Variants in PCLAF observed in about 807,000 individuals in gnomAD.
PCLAF encodes the protein PCNA-associated factor.
PCLAF carries 12 observed loss-of-function variants against 15.1 expected under a neutral mutation model. That is an observed-to-expected ratio of 0.79 (90% CI 0.51 to 1.29). The LOEUF is 1.29. Ranked by LOEUF, PCLAF falls within the 50% of genes most tolerant of loss-of-function variation. PCLAF has a pLI of 0.00. For missense variants in PCLAF, 116 were observed against 130.9 expected (o/e 0.89, Z 0.56); for synonymous variants, 33 against 47.1 (o/e 0.70, Z 1.22).
chr15:64,373,036 A>C (rs1240037153), intron 3 of PCLAF: 4 of 152,236 alleles, frequency 2.6e-5, no homozygotes, highest in Non-Finnish European at 1.5e-5. Context: ...GTAAATCTAG[A>C]GCATATCAGC....
intron 1 of PCLAF, among the ~76,000 whole-genome samples, chr15:64,387,001 T>C (rs1274649815): frequency 6.6e-6 from 1 of 152,108 alleles, no homozygotes; most frequent in Non-Finnish European, 1.5e-5. Context: ...TCATTTTTGG[T>C]TGAGAACTCA....
rs191332938 is a variant in PCLAF, at chr15:64,364,432, T to G, written c.*1598A>C. On this transcript the variant is annotated 3_prime_UTR_variant, in exon 4 of 4. Coordinates refer to ENST00000300035, the MANE Select transcript of PCLAF (RefSeq NM_014736.6). ...TGATGAGGAATATTATACCCACTTCTTCAATTATACCTCTGGTTATGTTGA... is the reference window on the plus strand; with the variant it reads ...TGATGAGGAATATTATACCCACTTCGTCAATTATACCTCTGGTTATGTTGA... 6.6e-6 allele frequency: 1 copy of G among 152,348 alleles called. No individual in the cohort carries two copies. The highest frequency in any genetic ancestry group is 6.5e-5 in the Admixed American group (1 of 15,292). 9.4% of individuals were successfully genotyped at this position (152,348 alleles called of 1,614,324 possible).
At chr15:64,366,349 ATC>A (rs1489760790) in intron 3 of PCLAF, among the ~76,000 whole-genome samples, 1 of 152,220 alleles carries the variant, frequency 6.6e-6, no homozygotes, top group Non-Finnish European at 1.5e-5. Context: ...TAAAAAAAGA[ATC>A]TATTTATATA....
chr15:64,374,615 C>T (rs1899521249), intron 3 of PCLAF, among the ~76,000 whole-genome samples: 1 of 151,964 alleles, frequency 6.6e-6, no homozygotes. Context: ...GAGGCCAAGG[C>T]AAGTGGATTA....
At chr15:64,367,514 A>C (rs551049090) in intron 3 of PCLAF, among the ~76,000 whole-genome samples, 18 of 17,028 alleles carry the variant, frequency 1.1e-3, no homozygotes, top group South Asian at 8.2e-3. Context: ...AAAAAAACCC[A>C]AAAAAAAAAA....
intron 3 of PCLAF, among the ~76,000 whole-genome samples, chr15:64,370,900 A>C (rs1438902767): frequency 6.8e-6 from 1 of 147,574 alleles, no homozygotes; most frequent in Non-Finnish European, 1.5e-5. Context: ...AATTTAATGC[A>C]GACAAATTTC....
chr15:64,385,469 T>C (rs1389245696), upstream of PCLAF, among the ~76,000 whole-genome samples: 1 of 151,482 alleles, frequency 6.6e-6, no homozygotes, highest in African/African-American at 2.4e-5. Flanking sequence ...CTACTACAAA[T>C]ACAAAATTAG....
intron 3 of PCLAF, among the ~76,000 whole-genome samples, chr15:64,374,514 G>A (rs998729159): frequency 6.6e-6 from 1 of 151,362 alleles, no homozygotes; most frequent in Non-Finnish European, 1.5e-5. Context: ...ACTCCAGCCT[G>A]GGCAACAGAG....
At chr15:64,368,067 C>T (rs1322805580) in intron 3 of PCLAF, among the ~76,000 whole-genome samples, 1 of 151,650 alleles carries the variant, frequency 6.6e-6, no homozygotes. Context: ...GTTGGCCCGG[C>T]GCGGTGGCTC....
chr15:64,387,595 G>T, exon 1 of PCLAF: 53 of 1,356,714 alleles, frequency 3.9e-5, no homozygotes, highest in East Asian at 3.0e-4. Flanking sequence ...TAGCAGAATT[G>T]CCAATGGCCT....
intron 3 of PCLAF, among the ~76,000 whole-genome samples, chr15:64,374,726 A>G (rs1386506718): frequency 1.3e-5 from 2 of 151,848 alleles, no homozygotes; most frequent in Non-Finnish European, 2.9e-5. Context: ...CATGCCTGTA[A>G]TTCCAGCTAC....
intron 2 of PCLAF, among the ~76,000 whole-genome samples, chr15:64,377,546 T>C (rs1157142636): frequency 8.3e-6 from 1 of 119,818 alleles, no homozygotes; most frequent in African/African-American, 3.1e-5. Context: ...TATTCTTGTA[T>C]GTACTGACAT....
At chr15:64,377,291 C>A (rs1207636402) in intron 2 of PCLAF, among the ~76,000 whole-genome samples, 1 of 149,710 alleles carries the variant, frequency 6.7e-6, no homozygotes, top group Non-Finnish European at 1.5e-5. Flanking sequence ...CATGGTGAAA[C>A]CCCCGTCTCT....
chr15:64,380,343 G>A (rs989699544), intron 2 of PCLAF, among the ~76,000 whole-genome samples: 1 of 151,868 alleles, frequency 6.6e-6, no homozygotes, highest in Non-Finnish European at 1.5e-5. Flanking sequence ...AGATCACACC[G>A]TTGCACTGCA....
At chr15:64,381,208 C>T (rs1899805763) in intron 1 of PCLAF, 118 bp downstream of exon 1, 8 of 1,337,876 alleles carry the variant, frequency 6.0e-6, no homozygotes, top group Non-Finnish European at 7.5e-6. Context: ...CGGCTACTCC[C>T]TGGCTAGCTA....
At chr15:64,366,238 T>C (rs1249072875) in intron 3 of PCLAF, among the ~76,000 whole-genome samples, 163 bp from the exon 4 acceptor site, 4 of 152,234 alleles carry the variant, frequency 2.6e-5, no homozygotes, top group African/African-American at 9.6e-5. Context: ...AACAAACACC[T>C]ACAAATTTCA....
chr15:64,365,350 T>TC lies in PCLAF; in HGVS notation c.*679dup, dbSNP rs1158686888. On this transcript the variant is annotated 3_prime_UTR_variant, in exon 4 of 4. Transcript: ENST00000300035. ...TTACGCTATGTTGCCTGGGCTGGTC[T>TC]CCAACTCCTGGACTCAAGCAAACCT... 1 of 152,812 alleles carries TC rather than the reference T, an allele frequency of 6.5e-6. No homozygotes were observed. Among genetic ancestry groups the TC allele is most frequent in the Non-Finnish European group, 1.5e-5 (1 of 68,608 alleles). The allele number at this position is 152,812 out of a possible 1,614,324, so 9.5% of individuals were successfully genotyped here.
At chr15:64,376,682 G>T in intron 3 of PCLAF, 61 bp downstream of exon 3, 3 of 1,412,006 alleles carry the variant, frequency 2.1e-6, no homozygotes, top group Admixed American at 4.1e-5. Context: ...GCCTCCCAAA[G>T]TGCTGGGATT....
upstream of PCLAF, among the ~76,000 whole-genome samples, chr15:64,386,408 C>T (rs1460665798): frequency 6.6e-6 from 1 of 152,158 alleles, no homozygotes; most frequent in Non-Finnish European, 1.5e-5. Flanking sequence ...TCAAGCTTGA[C>T]CTTCCAGGCC....
Sources: allele counts gnomAD v4.1 joint callset (sites outside exome capture counted in the v4.1 genomes callset), GRCh38; gene constraint gnomAD v4.1.1; transcripts MANE v1.5; gene names NCBI Gene and HGNC (gene_info 2026-07-23, HGNC 2026-07-21).